ASAP1: variants seen among roughly 807,000 people sequenced by gnomAD.
The protein encoded by ASAP1 is arf-GAP with SH3 domain, ANK repeat and PH domain-containing protein 1.
Under a neutral mutation model 145.2 loss-of-function variants are expected in ASAP1, and 43 were observed. The observed-to-expected ratio is 0.30, with a 90% CI of 0.23 to 0.38. The LOEUF is 0.38. ASAP1 is among the 10% of genes least tolerant of loss of function. The pLI, the probability that ASAP1 is intolerant of heterozygous loss-of-function variation, is 1.00. For synonymous variants in ASAP1, 546 were observed against 515.5 expected (o/e 1.06, Z -0.80); for missense variants, 1,018 against 1,355.3 (o/e 0.75, Z 3.91).
intron 3 of ASAP1, among the ~76,000 whole-genome samples, chr8:130,351,555 T>C (rs1825996219): frequency 6.6e-6 from 1 of 152,168 alleles, no homozygotes; most frequent in Non-Finnish European, 1.5e-5. Context: ...TGGTATCTGC[T>C]TGGCTTCTGC....
At chr8:130,097,830 A>G (rs997156508) in intron 24 of ASAP1, among the ~76,000 whole-genome samples, 10 of 152,190 alleles carry the variant, frequency 6.6e-5, no homozygotes, top group Non-Finnish European at 2.9e-5. Flanking sequence ...ATATTCTTAA[A>G]CTATGAAGGT....
rs539905099 is a variant in ASAP1 at position 130,246,568 on chromosome 8, G to A, written c.187-9574C>T. Among the ~76,000 whole-genome samples the A allele has an allele frequency of 5.3e-5, 8 of 152,276 alleles. No homozygotes were observed. In the East Asian group the frequency reaches 1.5e-3, roughly 29 times the overall value. The stretch of plus-strand genomic sequence containing the variant: ...TCTCTCCAGCGGCCTTGTGAAGAAG[G>A]TGCTTGCTTCGTCTTTGCCTTCTGC... On this transcript the variant is annotated intron_variant, in intron 3 of 29. Coordinates refer to ENST00000518721, the MANE Select transcript of ASAP1 (RefSeq NM_018482.4).
chr8:130,363,039 T>TA, intron 2 of ASAP1, among the ~76,000 whole-genome samples: 1 of 152,310 alleles, frequency 6.6e-6, no homozygotes, highest in Middle Eastern at 3.4e-3. Flanking sequence ...TAGACCTTGT[T>TA]AAAGTATTTC....
At chr8:130,227,504 T>G (rs1817653620) in intron 4 of ASAP1, among the ~76,000 whole-genome samples, 1 of 151,870 alleles carries the variant, frequency 6.6e-6, no homozygotes, top group Non-Finnish European at 1.5e-5. Flanking sequence ...GTGATTCGCC[T>G]CCCTTGGCCT....
intron 3 of ASAP1, among the ~76,000 whole-genome samples, chr8:130,277,861 A>G (rs1469505850): frequency 6.6e-6 from 1 of 152,240 alleles, no homozygotes; most frequent in African/African-American, 2.4e-5. Flanking sequence ...TGGACGTAGC[A>G]GGACAGTTTT....
chr8:130,058,161 T>C (rs2097408512), intron 28 of ASAP1, 85 bp from the exon 29 acceptor site: 1 of 1,502,488 alleles, frequency 6.7e-7, no homozygotes, highest in Non-Finnish European at 9.2e-7. Context: ...TGGTTGACCT[T>C]GGCCAGTAAC....
At chr8:130,111,017 T>G (rs62524634) in intron 24 of ASAP1, among the ~76,000 whole-genome samples, 1 of 152,028 alleles carries the variant, frequency 6.6e-6, no homozygotes, top group Middle Eastern at 3.4e-3. Context: ...ACTTTAATGG[T>G]AGCCTGAGGC....
chr8:130,098,353 C>T (rs1184996144), intron 24 of ASAP1, among the ~76,000 whole-genome samples: 1 of 152,066 alleles, frequency 6.6e-6, no homozygotes, highest in Non-Finnish European at 1.5e-5. Flanking sequence ...TCTTTAAACA[C>T]TTTTTTGAGA....
At chr8:130,084,847 C>T (rs1428960655) in intron 25 of ASAP1, 1 of 152,182 alleles carries the variant, frequency 6.6e-6, no homozygotes, top group Non-Finnish European at 1.5e-5. Flanking sequence ...ATGTCTCAGA[C>T]ATTTCATCTA....
At chr8:130,407,699 G>C (rs1829095801) in intron 1 of ASAP1, among the ~76,000 whole-genome samples, 1 of 152,218 alleles carries the variant, frequency 6.6e-6, no homozygotes, top group South Asian at 2.1e-4. Context: ...ACGACTTACA[G>C]TTTGTCAGTC....
intron 2 of ASAP1, among the ~76,000 whole-genome samples, chr8:130,396,765 T>G (rs1828549562): frequency 6.6e-6 from 1 of 152,172 alleles, no homozygotes; most frequent in Non-Finnish European, 1.5e-5. Context: ...GAAATTCAAT[T>G]TGGGCTGACA....
chr8:130,298,607 TC>T, intron 3 of ASAP1, among the ~76,000 whole-genome samples: 1 of 152,316 alleles, frequency 6.6e-6, no homozygotes, highest in South Asian at 2.1e-4. Flanking sequence ...CTAAAGGCTT[TC>T]CATGCCTTTC....
chr8:130,291,502 G>A (rs1821943029), intron 3 of ASAP1, among the ~76,000 whole-genome samples: 2 of 152,092 alleles, frequency 1.3e-5, no homozygotes, highest in African/African-American at 4.8e-5. Flanking sequence ...GTGTGATGGA[G>A]ACACTGACAA....
At chr8:130,070,396 T>C (rs2097440540) in intron 27 of ASAP1, among the ~76,000 whole-genome samples, 1 of 152,194 alleles carries the variant, frequency 6.6e-6, no homozygotes, top group South Asian at 2.1e-4. Flanking sequence ...CACTGGAGAA[T>C]GTTTCCCCTA....
intron 3 of ASAP1, among the ~76,000 whole-genome samples, chr8:130,287,607 A>G (rs1821695276): frequency 6.6e-6 from 1 of 152,214 alleles, no homozygotes; most frequent in Non-Finnish European, 1.5e-5. Flanking sequence ...CAGCCAAGGA[A>G]GGCGAGTTCT....
intron 3 of ASAP1, among the ~76,000 whole-genome samples, chr8:130,313,649 A>G (rs1407389518): frequency 6.6e-6 from 1 of 152,222 alleles, no homozygotes; most frequent in Non-Finnish European, 1.5e-5. Flanking sequence ...CAGACGTTTC[A>G]GCTACAGAAA....
intron 3 of ASAP1, among the ~76,000 whole-genome samples, chr8:130,289,365 C>A (rs1220296722): frequency 6.6e-6 from 1 of 152,136 alleles, no homozygotes; most frequent in Non-Finnish European, 1.5e-5. Flanking sequence ...TTTTTTCCTT[C>A]TTCCTATGTT....
At chr8:130,118,271 G>A (rs1202105735) in intron 19 of ASAP1, 25 bp from the exon 20 acceptor site, 9 of 1,608,020 alleles carry the variant, frequency 5.6e-6, no homozygotes, top group Non-Finnish European at 7.7e-6. Context: ...AAAAGTATAA[G>A]TAAGTCAATA....
At chr8:130,066,087 T>C (rs2097430085) in intron 27 of ASAP1, among the ~76,000 whole-genome samples, 1 of 152,206 alleles carries the variant, frequency 6.6e-6, no homozygotes, top group Non-Finnish European at 1.5e-5. Context: ...TATTACACCA[T>C]ATTGTGATAC....
Sources: allele counts gnomAD v4.1 joint callset (sites outside exome capture counted in the v4.1 genomes callset), GRCh38; gene constraint gnomAD v4.1.1; transcripts MANE v1.5; gene names NCBI Gene and HGNC (gene_info 2026-07-23, HGNC 2026-07-21).